CEP43: variants seen among roughly 807,000 people sequenced by gnomAD.
CEP43 encodes centrosomal protein 43.
Under a neutral mutation model 52.6 loss-of-function variants are expected in CEP43, and 36 were observed. The observed-to-expected ratio is 0.68, with a 90% confidence interval of 0.52 to 0.90. The LOEUF is 0.90. Among genes scored for constraint, CEP43 ranks in the 40% least tolerant of loss-of-function variants. The pLI is 0.00. For missense variants in CEP43, 506 were observed against 472.8 expected (o/e 1.07, Z -0.65); for synonymous variants, 192 against 172.4 (o/e 1.11, Z -0.89).
chr6:167,005,441 G>A (rs547046370), intron 5 of CEP43, among the ~76,000 whole-genome samples: 2 of 152,188 alleles, frequency 1.3e-5, no homozygotes, highest in Non-Finnish European at 1.5e-5. Context: ...AGGAGGAAGC[G>A]ATTGTCACAT....
rs991303213 is a variant in CEP43, at chr6:167,023,459, C to G, written c.806+824C>G. 9.2e-5 allele frequency among the ~76,000 whole-genome samples: 14 copies of G among 152,296 alleles called. No homozygotes were observed. The South Asian group carries it at 2.3e-3, about 25-fold the overall frequency. On this transcript the variant is annotated intron_variant, in intron 8 of 12. Coordinates refer to ENST00000366847, the MANE Select transcript of CEP43 (RefSeq NM_007045.4). The stretch of plus-strand genomic sequence containing the variant: ...CACGTTAGATGAAGAGTGGCAAGAG[C>G]AAGAGTGGATTACACAGACAGGTGG...
At chr6:167,038,167 G>A (rs2128668584) in intron 12 of CEP43, among the ~76,000 whole-genome samples, 1 of 152,294 alleles carries the variant, frequency 6.6e-6, no homozygotes, top group African/African-American at 2.4e-5. Flanking sequence ...CAAATGAATA[G>A]ATATAAGTTG....
intron 12 of CEP43, chr6:167,036,610 C>A (rs1469481640): frequency 1.0e-6 from 1 of 985,304 alleles, no homozygotes; most frequent in Non-Finnish European, 1.2e-6. Flanking sequence ...CAAAATCTTA[C>A]AAGTTCCCGT....
At chr6:167,037,049 C>T (rs1356672934) in intron 12 of CEP43, among the ~76,000 whole-genome samples, 1 of 152,150 alleles carries the variant, frequency 6.6e-6, no homozygotes, top group Non-Finnish European at 1.5e-5. Flanking sequence ...CTTGTGATCC[C>T]CCCGCCTTGG....
Position 167,047,026 on chromosome 6 carries a change from C to CTGAAT in CEP43, c.*7049_*7053dup, listed in dbSNP as rs1401811274. 6.6e-6 allele frequency: 1 copy of CTGAAT among 152,370 alleles called. No homozygotes were observed. The highest frequency in any genetic ancestry group is 6.5e-5 in the Admixed American group (1 of 15,288). 9.4% of individuals were successfully genotyped at this position (152,370 alleles called of 1,614,324 possible). On this transcript the variant is annotated 3_prime_UTR_variant, in exon 13 of 13. Transcript: ENST00000366847. ...GAAGCACTTGGCTCTCCAGCATGTGCTGAATAGGGGGCGCTGCCTGCAATG... is the reference window on the plus strand; with the variant it reads ...GAAGCACTTGGCTCTCCAGCATGTGCTGAATTGAATAGGGGGCGCTGCCTGCAATG...
At position 167,024,903 on chromosome 6, in the gene CEP43, C is replaced by T. The variant is rs1188331740; in HGVS notation, c.919+9C>T. On this transcript the variant is annotated intron_variant, in intron 9 of 12. Transcript: ENST00000366847. ...TTTAAAAGACTCTGAGAGTAAGTGC[C>T]CAAAGATGTGGACTTCAATACTCGG... is the stretch of plus-strand genomic sequence containing the variant. The T allele has an allele frequency of 2.1e-6, 3 of 1,451,364 alleles. No individual in the cohort carries two copies. Among genetic ancestry groups the T allele is most frequent in the Non-Finnish European group, 1.9e-6 (2 of 1,039,452 alleles). The allele number at this position is 1,451,364 out of a possible 1,614,324, so 89.9% of individuals were successfully genotyped here. A position where few individuals can be genotyped will look rare whatever the true frequency, so the allele number is the denominator to read the frequency against.
At chr6:167,019,002 A>C (rs1293258440) in intron 7 of CEP43, among the ~76,000 whole-genome samples, 1 of 152,230 alleles carries the variant, frequency 6.6e-6, no homozygotes, top group Non-Finnish European at 1.5e-5. Flanking sequence ...TTCCCAGGAC[A>C]GTAATCGGTG....
intron 5 of CEP43, among the ~76,000 whole-genome samples, chr6:167,008,181 C>T (rs892191067): frequency 8.6e-5 from 13 of 151,734 alleles, no homozygotes; most frequent in African/African-American, 1.7e-4. Flanking sequence ...TTTGGACTTA[C>T]TACTTGAAAG....
chr6:167,008,699 T>C (rs1779909689), intron 5 of CEP43, among the ~76,000 whole-genome samples: 1 of 151,928 alleles, frequency 6.6e-6, no homozygotes, highest in Admixed American at 6.6e-5. Flanking sequence ...ATGGTCTCAA[T>C]CTCTGACCTC....
chr6:167,002,532 T>C (rs1005033880), intron 2 of CEP43, among the ~76,000 whole-genome samples: 3 of 152,192 alleles, frequency 2.0e-5, no homozygotes, highest in Admixed American at 1.3e-4. Flanking sequence ...TTGTGACTTT[T>C]AAGAAACACT....
intron 4 of CEP43, chr6:167,004,040 G>A: frequency 1.7e-6 from 1 of 596,378 alleles, no homozygotes; most frequent in South Asian, 2.4e-5. Flanking sequence ...TTACTATAGA[G>A]TTAATTTTGA....
intron 2 of CEP43, among the ~76,000 whole-genome samples, chr6:167,001,703 A>C (rs1247066562): frequency 6.6e-6 from 1 of 152,220 alleles, no homozygotes; most frequent in East Asian, 1.9e-4. Flanking sequence ...CCACCTGCTC[A>C]GCCATCACCT....
chr6:167,027,892 C>A, intron 10 of CEP43: 1 of 985,600 alleles, frequency 1.0e-6, no homozygotes, highest in Non-Finnish European at 1.2e-6. Flanking sequence ...CTGAGCTGCC[C>A]GGATTCTTGT....
intron 6 of CEP43, 26 bp from the exon 7 acceptor site, chr6:167,013,482 A>G (rs971407622): frequency 1.3e-6 from 2 of 1,584,864 alleles, no homozygotes. Flanking sequence ...TTTTGTGGTA[A>G]AATCTCATTT....
chr6:167,041,603 G>T lies in CEP43; in HGVS notation c.*1625G>T. 3.8e-6 allele frequency: 4 copies of T among 1,044,928 alleles called. No individual in the cohort carries two copies. The highest frequency in any genetic ancestry group is 4.6e-6 in the Non-Finnish European group (4 of 866,252). The allele number at this position is 1,044,928 out of a possible 1,614,324, so 64.7% of individuals were successfully genotyped here. On this transcript the variant is annotated 3_prime_UTR_variant, in exon 13 of 13. Coordinates refer to ENST00000366847, the MANE Select transcript of CEP43 (RefSeq NM_007045.4). ...TGGTCCCCTGGAATCTGGATCACAT[G>T]TATGATTTATTTTTAATATTTGATA...
chr6:167,048,734 AAAT>A lies in CEP43; in HGVS notation c.*8759_*8761del, dbSNP rs1780834043. ...CTGATTTGACACAAAATATTGATGT[AAAT>A]AACATAAAACTGTAATATGCCATTA... On this transcript the variant is annotated 3_prime_UTR_variant, in exon 13 of 13. Transcript: ENST00000366847. 6.6e-6 allele frequency: 1 copy of A among 152,232 alleles called. No individual in the cohort carries two copies. The highest frequency in any genetic ancestry group is 6.5e-5 in the Admixed American group (1 of 15,286). The allele number at this position is 152,232 out of a possible 1,614,324, so 9.4% of individuals were successfully genotyped here.
intron 8 of CEP43, among the ~76,000 whole-genome samples, chr6:167,023,092 T>C (rs186565115): frequency 0.087 from 13,225 of 152,012 alleles, 855 homozygotes; most frequent in Middle Eastern, 0.15. Flanking sequence ...AGCAAAGAGC[T>C]AGAGGAGGTA....
Position 167,044,662 on chromosome 6 carries a change from C to A in CEP43, c.*4684C>A. 1 of 650,088 alleles carries A rather than the reference C, an allele frequency of 1.5e-6. No homozygotes were observed. The highest frequency in any genetic ancestry group is 1.9e-6 in the Non-Finnish European group (1 of 523,616). 40.3% of individuals were successfully genotyped at this position (650,088 alleles called of 1,614,324 possible). A position where few individuals can be genotyped will look rare whatever the true frequency, so the allele number is the denominator to read the frequency against. ...AATCTTGCTGCCCTTAGAAAATGAA[C>A]CCCCGAACAAGGTAAGGTCGAGCTG... On this transcript the variant is annotated 3_prime_UTR_variant, in exon 13 of 13. Coordinates refer to ENST00000366847, the MANE Select transcript of CEP43 (RefSeq NM_007045.4).
Position 166,999,420 on chromosome 6 carries a change from C to G in CEP43, c.8C>G (p.Ala3Gly). ...TTGTCTTGGAGAAGCAAGATGGCGG[C>G]GACGGCGGCCGCAGTGGTGGCCGAG... Reference protein sequence around the residue: MAATAAAVVAEED... With the variant: MAGTAAAVVAEED... Residue 3 changes from alanine (A) to glycine (G), a missense_variant, in exon 1 of 13, where the codon GCG (alanine) becomes GGG (glycine). By Grantham distance (60) the Ala-to-Gly change is moderately conservative. Transcript: ENST00000366847. The G allele has an allele frequency of 6.8e-7, 1 of 1,473,082 alleles. No homozygotes were observed. The highest frequency in any genetic ancestry group is 9.0e-7 in the Non-Finnish European group (1 of 1,109,386). The allele number at this position is 1,473,082 out of a possible 1,614,324, so 91.3% of individuals were successfully genotyped here.
Sources: gnomAD v4.1 joint callset for allele counts (sites outside exome capture counted in the v4.1 genomes callset) on GRCh38, gnomAD v4.1.1 for gene constraint, MANE v1.5 for transcripts, NCBI Gene and HGNC (gene_info 2026-07-23, HGNC 2026-07-21) for gene names.